The following KIF1A variants were observed in gnomAD, a reference collection of about 807,000 sequenced individuals.
KIF1A encodes the protein kinesin-like protein KIF1A.
In KIF1A, 46 loss-of-function variants were observed where a neutral mutation model predicts 227.3. That is an observed-to-expected ratio of 0.20 (90% CI 0.16 to 0.26). The LOEUF is 0.26. Among genes scored for constraint, KIF1A ranks in the 10% least tolerant of loss-of-function variants. The pLI is 1.00. For synonymous variants in KIF1A, 1,022 were observed against 1,012.8 expected (o/e 1.01, Z -0.17); for missense variants, 1,683 against 2,485.9 (o/e 0.68, Z 6.87).
At chr2:240,809,723 C>T (rs1313682245) in intron 1 of KIF1A, among the ~76,000 whole-genome samples, 2 of 143,844 alleles carry the variant, frequency 1.4e-5, no homozygotes, top group African/African-American at 2.7e-5. Context: ...GGCTGGAGTG[C>T]GGTGGTGCAA....
intron 10 of KIF1A, chr2:240,782,012 C>T: frequency 1.6e-5 from 16 of 985,412 alleles, no homozygotes; most frequent in Non-Finnish European, 1.9e-5. Context: ...GTGGTGGCGC[C>T]CGCCCTGTCT....
chr2:240,782,288 C>T, intron 10 of KIF1A: 1 of 817,454 alleles, frequency 1.2e-6, no homozygotes, highest in Non-Finnish European at 1.5e-6. Flanking sequence ...CTCCGCGCCC[C>T]TTTCAGCTCC....
Position 240,723,544 on chromosome 2 carries a change from G to T in KIF1A, c.4333C>A (p.Arg1445Ser). 6.5e-7 allele frequency: 1 copy of T among 1,537,474 alleles called. No homozygotes were observed. ...DAGSPGMQRRRRRVLDTSVAY... is the reference protein window; with the variant it reads ...DAGSPGMQRRSRRVLDTSVAY... ...ACAGATGTGTCCAGGACTCGTCGGC[G>T]CCGGCGCTGCATCCCTGCATGGGGC... is the stretch of plus-strand genomic sequence containing the variant. Residue 1445 changes from arginine to serine, a missense_variant, in exon 42 of 49, where the codon CGC (arginine) becomes AGC (serine). By Grantham distance (110) the Arg-to-Ser change is moderately radical. Around this residue, in one of 12 missense-constraint regions of KIF1A, gnomAD observed 759 missense variants for 1,020.2 expected, o/e 0.74. Transcript: ENST00000498729.
At position 240,788,882 on chromosome 2, in the gene KIF1A, A is replaced by T. The variant is rs2126096137; in HGVS notation, c.183+354T>A. Among the ~76,000 whole-genome samples, 1 of 152,266 alleles carries T rather than the reference A, an allele frequency of 6.6e-6. No homozygotes were observed. Among genetic ancestry groups the T allele is most frequent in the Middle Eastern group, 3.4e-3 (1 of 294 alleles). ...GGATCGGGGAGGAGGGAAGGAGAAG[A>T]GTCCAGGGGTCTCCTGGGCTCCCAG... On this transcript the variant is annotated intron_variant, in intron 3 of 48. Transcript: ENST00000498729. This position sits in a 1 kb window ranked among gnomAD's most constrained non-coding sequence, Gnocchi z 6.6.
intron 2 of KIF1A, among the ~76,000 whole-genome samples, chr2:240,794,405 G>A (rs983022210): frequency 6.6e-6 from 1 of 152,296 alleles, no homozygotes; most frequent in Non-Finnish European, 1.5e-5. Flanking sequence ...AGTGCACACA[G>A]GACCTGCAGT....
intron 33 of KIF1A, among the ~76,000 whole-genome samples, chr2:240,743,617 C>G (rs991574563): frequency 2.0e-5 from 3 of 152,180 alleles, no homozygotes; most frequent in Admixed American, 2.0e-4. Flanking sequence ...CTGGGGTCCT[C>G]GGTGGGCAGC....
Position 240,814,695 on chromosome 2 carries a change from G to A in KIF1A, c.-61+5427C>T, listed in dbSNP as rs576368852. ...AAATCCCAGCACTTTGTGGGGCCGAGGCAGGAGGATTGCTTAAGCCCAGGA... is the reference window on the plus strand; with the variant it reads ...AAATCCCAGCACTTTGTGGGGCCGAAGCAGGAGGATTGCTTAAGCCCAGGA... On this transcript the variant is annotated intron_variant, in intron 1 of 48. Coordinates refer to ENST00000498729, the MANE Select transcript of KIF1A (RefSeq NM_001244008.2). Among the ~76,000 whole-genome samples, 93 of 152,308 alleles carry A rather than the reference G, an allele frequency of 6.1e-4. No homozygotes were observed. In the South Asian group the frequency reaches 0.018, roughly 30 times the overall value.
At chr2:240,741,670 C>A (rs1214662355) in intron 34 of KIF1A, among the ~76,000 whole-genome samples, 2 of 152,220 alleles carry the variant, frequency 1.3e-5, no homozygotes, top group Non-Finnish European at 2.9e-5. Flanking sequence ...GTGGTCAAGA[C>A]CCCAAGAACC....
chr2:240,773,227 C>A lies in KIF1A; in HGVS notation c.1067G>T (p.Cys356Phe). 6.2e-7 allele frequency: 1 copy of A among 1,613,974 alleles called. No homozygotes were observed. Among genetic ancestry groups the A allele is most frequent in the Non-Finnish European group, 8.5e-7 (1 of 1,179,862 alleles). The stretch of plus-strand genomic sequence containing the variant: ...GGGGTCCTCATTGATGACAGCATTG[C>A]AGCGGATCTGCTTGGCCCGGTCAGC... ...RYADRAKQIR[C>F]NAVINEDPNN... The change falls in exon 13 of 49, where the codon TGC (cysteine) becomes TTC (phenylalanine). Residue 356 changes from cysteine (C) to phenylalanine (F), a missense_variant. Transcript: ENST00000498729.
chr2:240,757,599 G>A lies in KIF1A; in HGVS notation c.2583-5C>T, dbSNP rs2050013936. 3 of 1,550,252 alleles carry A rather than the reference G, an allele frequency of 1.9e-6. No individual in the cohort carries two copies. The highest frequency in any genetic ancestry group is 2.6e-6 in the Non-Finnish European group (3 of 1,146,878). ...TTGCAGCCAGAGATGGCTGAACTGA[G>A]GTTAGTGCGACAAGACAGAGAGAAG... On this transcript the variant is annotated splice_region_variant and splice_polypyrimidine_tract_variant and intron_variant, in intron 26 of 48. Transcript: ENST00000498729. This position sits in a 1 kb window ranked among gnomAD's most constrained non-coding sequence, Gnocchi z 6.2.
chr2:240,733,565 G>A (rs944044659), intron 38 of KIF1A, among the ~76,000 whole-genome samples: 1 of 152,196 alleles, frequency 6.6e-6, no homozygotes, highest in Admixed American at 6.5e-5. Context: ...CCATGCCAAT[G>A]GGGACTCTGG....
At chr2:240,768,133 G>A (rs1278562402) in intron 17 of KIF1A, among the ~76,000 whole-genome samples, 1 of 152,196 alleles carries the variant, frequency 6.6e-6, no homozygotes, top group African/African-American at 2.4e-5. Context: ...TCTCAAGAAG[G>A]GGGTCCCCAG....
chr2:240,805,162 G>A lies in KIF1A; in HGVS notation c.-60-7350C>T, dbSNP rs1435862486. 1.1e-3 allele frequency among the ~76,000 whole-genome samples: 138 copies of A among 127,164 alleles called. 2 individuals carry two copies. Among genetic ancestry groups the A allele is most frequent in the Non-Finnish European group, 1.9e-3 (111 of 59,286 alleles). 83.4% of individuals were successfully genotyped at this position (127,164 alleles called of 152,430 possible). On this transcript the variant is annotated intron_variant, in intron 1 of 48. Coordinates refer to ENST00000498729, the MANE Select transcript of KIF1A (RefSeq NM_001244008.2). ...GAGGGGAGTGGGGAGGGAGGCGGGA[G>A]GGAGAGGGGAGGGAAGGGAGAAGAA...
At chr2:240,765,627 G>T (rs114657149) in intron 20 of KIF1A, 83 bp downstream of exon 20, 1 of 1,095,144 alleles carries the variant, frequency 9.1e-7, no homozygotes, top group African/African-American at 1.5e-5. Flanking sequence ...CAGTGCACAG[G>T]AGGCGGTGGC....
At chr2:240,738,151 A>G (rs947286039) in intron 37 of KIF1A, among the ~76,000 whole-genome samples, 2 of 152,094 alleles carry the variant, frequency 1.3e-5, no homozygotes, top group Non-Finnish European at 2.9e-5. Flanking sequence ...CGGGGAGGGG[A>G]GCGCAGCTGC....
At position 240,750,484 on chromosome 2, in the gene KIF1A, G is replaced by A; in HGVS notation, c.2922C>T (p.Val974=). ...PVPLVHRVAI[V]SEKGEVKGFL... ...AGCCCTTCACCTCGCCCTTCTCGCT[G>A]ACGATTGCCACACGGTGTACCAGGG... Residue 974 remains valine, a synonymous_variant, in exon 28 of 49, where the codon GTC becomes GTT. Coordinates refer to ENST00000498729, the MANE Select transcript of KIF1A (RefSeq NM_001244008.2). The A allele has an allele frequency of 1.2e-6, 2 of 1,613,950 alleles. No individual in the cohort carries two copies. Among genetic ancestry groups the A allele is most frequent in the Non-Finnish European group, 1.7e-6 (2 of 1,179,838 alleles).
intron 1 of KIF1A, among the ~76,000 whole-genome samples, chr2:240,805,138 A>G (rs539796949): frequency 1.7e-3 from 20 of 11,832 alleles, no homozygotes; most frequent in South Asian, 0.014. Flanking sequence ...GCGGAGGGAG[A>G]GGGGAGTGGG....
At chr2:240,812,857 C>CCTCAGGGATCAGCCATCA (rs2057998066) in intron 1 of KIF1A, among the ~76,000 whole-genome samples, 118 of 151,380 alleles carry the variant, frequency 7.8e-4, no homozygotes, top group Non-Finnish European at 1.3e-3. Context: ...TCTGCCTTCA[C>CCTCAGGGATCAGCCATCA]CTCGGGGATC....
At position 240,742,139 on chromosome 2, in the gene KIF1A, G is replaced by A. The variant is rs908235723; in HGVS notation, c.3641-762C>T. ...TGTCCTCCCACAGTGTCCTCAGCCCGCAAACCTTCATCTTACAGGGGTTCC... is the reference window on the plus strand; with the variant it reads ...TGTCCTCCCACAGTGTCCTCAGCCCACAAACCTTCATCTTACAGGGGTTCC... On this transcript the variant is annotated intron_variant, in intron 34 of 48. Coordinates refer to ENST00000498729, the MANE Select transcript of KIF1A (RefSeq NM_001244008.2). 8.5e-5 allele frequency among the ~76,000 whole-genome samples: 13 copies of A among 152,326 alleles called. No homozygotes were observed. The East Asian group carries it at 1.2e-3, about 14-fold the overall frequency.
Sources: gnomAD v4.1 joint callset for allele counts (sites outside exome capture counted in the v4.1 genomes callset) on GRCh38, gnomAD v4.1.1 for gene constraint, gnomAD v4.1.1 regional missense constraint, Gnocchi (gnomAD v3.1) non-coding constraint, MANE v1.5 for transcripts, NCBI Gene and HGNC (gene_info 2026-07-23, HGNC 2026-07-21) for gene names.